RERE: variants seen among roughly 807,000 people sequenced by gnomAD.
RERE encodes arginine-glutamic acid dipeptide repeats.
A neutral mutation model predicts 146.1 loss-of-function variants in RERE; 40 were observed. That is an observed-to-expected ratio of 0.27 (90% CI 0.21 to 0.36). The LOEUF (loss-of-function observed/expected upper bound fraction) is 0.36. Ranked by LOEUF, RERE falls within the 10% of genes least tolerant of loss-of-function variation. RERE has a pLI of 1.00. For missense variants in RERE, 1,933 were observed against 2,138.7 expected, an observed-to-expected ratio of 0.90 and a Z score of 1.90; for synonymous variants, 1,003 against 866.0, an observed-to-expected ratio of 1.16 and a Z score of -2.78.
chr1:8,681,322 C>T (rs931743674), intron 1 of RERE, among the ~76,000 whole-genome samples: 21 of 151,970 alleles, frequency 1.4e-4, no homozygotes, highest in African/African-American at 4.6e-4. Context: ...GTATAATAAC[C>T]GGGGAGTCTT....
rs564907981 is a variant in RERE, at chr1:8,769,365, C to A, written c.-145+47795G>T. On this transcript the variant is annotated intron_variant, in intron 1 of 22. Transcript: ENST00000400908. ...AATCACTGACCCAATAAATGACTGT[C>A]CAAGTACAAAGTGATAGGCAGATGC... 5.3e-4 allele frequency among the ~76,000 whole-genome samples: 81 copies of A among 152,288 alleles called. 1 individual carries two copies. Among genetic ancestry groups the A allele is most frequent in the South Asian group, 8.3e-4 (4 of 4,828 alleles).
intron 10 of RERE, among the ~76,000 whole-genome samples, chr1:8,472,620 G>C (rs1328271358): frequency 6.6e-6 from 1 of 152,176 alleles, no homozygotes; most frequent in African/African-American, 2.4e-5. Flanking sequence ...GGGATTAAAT[G>C]CAATTTTAAT....
chr1:8,573,626 C>A (rs1309511077), intron 4 of RERE, among the ~76,000 whole-genome samples: 3 of 152,186 alleles, frequency 2.0e-5, no homozygotes, highest in African/African-American at 4.8e-5. Context: ...TGTTTTCACA[C>A]ATAAAACTTT....
chr1:8,786,509 T>G (rs1009090403), intron 1 of RERE: 1 of 826,050 alleles, frequency 1.2e-6, no homozygotes, highest in African/African-American at 1.7e-5. Context: ...AGATTTGGGT[T>G]CCCCCATGTA....
intron 4 of RERE, among the ~76,000 whole-genome samples, chr1:8,612,599 A>G (rs1012662847): frequency 6.6e-6 from 1 of 152,238 alleles, no homozygotes; most frequent in African/African-American, 2.4e-5. Flanking sequence ...AGTTTACAAA[A>G]AAATTAATGT....
intron 7 of RERE, among the ~76,000 whole-genome samples, chr1:8,539,046 G>GT (rs1645763645): frequency 6.6e-6 from 1 of 152,076 alleles, no homozygotes; most frequent in Admixed American, 6.5e-5. Context: ...AAATAATTTT[G>GT]GTTAGTTGTT....
intron 4 of RERE, among the ~76,000 whole-genome samples, chr1:8,587,877 C>T (rs1257993067): frequency 6.6e-6 from 1 of 152,186 alleles, no homozygotes; most frequent in Non-Finnish European, 1.5e-5. Flanking sequence ...CTAAGTCCTT[C>T]CCTCAGAAAC....
At chr1:8,543,168 T>C (rs767304539) in intron 6 of RERE, among the ~76,000 whole-genome samples, 10 of 152,130 alleles carry the variant, frequency 6.6e-5, no homozygotes, top group Non-Finnish European at 1.3e-4. Context: ...CAAGGAAAAA[T>C]ACAGACTAAG....
intron 6 of RERE, among the ~76,000 whole-genome samples, chr1:8,542,591 G>A (rs577411771): frequency 1.3e-5 from 2 of 152,284 alleles, no homozygotes; most frequent in African/African-American, 4.8e-5. Flanking sequence ...GGGAGGCTAC[G>A]ACAGGAGGAT....
At chr1:8,440,678 G>A (rs1310396135) in intron 11 of RERE, among the ~76,000 whole-genome samples, 4 of 147,424 alleles carry the variant, frequency 2.7e-5, no homozygotes, top group South Asian at 4.3e-4. Flanking sequence ...ACCTAACGTC[G>A]AGTTTGAGAC....
chr1:8,793,705 T>C (rs1280706282), intron 1 of RERE, among the ~76,000 whole-genome samples: 1 of 152,210 alleles, frequency 6.6e-6, no homozygotes, highest in Non-Finnish European at 1.5e-5. Flanking sequence ...AAAGGACCCA[T>C]ATTAACTGTT....
intron 10 of RERE, among the ~76,000 whole-genome samples, chr1:8,485,150 T>C (rs948489326): frequency 2.6e-5 from 4 of 152,112 alleles, no homozygotes; most frequent in African/African-American, 9.7e-5. Flanking sequence ...TCACCTGATG[T>C]AGGGAGTTCA....
intron 1 of RERE, among the ~76,000 whole-genome samples, chr1:8,740,335 CA>C (rs1013339280): frequency 6.6e-6 from 1 of 152,208 alleles, no homozygotes; most frequent in African/African-American, 2.4e-5. Flanking sequence ...GCACTTACCC[CA>C]TGAATGGAGC....
At chr1:8,666,656 C>G (rs950400343) in intron 1 of RERE, among the ~76,000 whole-genome samples, 9 of 152,210 alleles carry the variant, frequency 5.9e-5, no homozygotes, top group African/African-American at 2.2e-4. Context: ...AAACAGTAAC[C>G]TGATGTAGAG....
At chr1:8,772,861 G>A (rs1640980092) in intron 1 of RERE, among the ~76,000 whole-genome samples, 1 of 152,142 alleles carries the variant, frequency 6.6e-6, no homozygotes, top group African/African-American at 2.4e-5. Flanking sequence ...GGCTGAGGCA[G>A]GTGGATCACT....
intron 11 of RERE, among the ~76,000 whole-genome samples, chr1:8,441,011 G>A (rs1380329792): frequency 8.0e-6 from 1 of 125,106 alleles, no homozygotes; most frequent in Non-Finnish European, 1.6e-5. Context: ...GTTTTTCGGG[G>A]GGGTGGGGGG....
intron 1 of RERE, among the ~76,000 whole-genome samples, chr1:8,811,571 G>A (rs1309998971): frequency 6.6e-6 from 1 of 152,200 alleles, no homozygotes; most frequent in Non-Finnish European, 1.5e-5. Context: ...TCATGCCACT[G>A]CACTCCAGCC....
At chr1:8,424,961 A>AGGCAAGGATCC (rs1486399681) in intron 11 of RERE, 1 of 152,396 alleles carries the variant, frequency 6.6e-6, no homozygotes, top group Non-Finnish European at 1.5e-5. Context: ...CGAAAGAGGC[A>AGGCAAGGATCC]GGCAAGGATC....
intron 2 of RERE, among the ~76,000 whole-genome samples, chr1:8,635,643 G>A (rs1286728003): frequency 6.6e-6 from 1 of 152,108 alleles, no homozygotes; most frequent in Non-Finnish European, 1.5e-5. Flanking sequence ...CAAAATGTAT[G>A]AGAACTTTGG....
Sources: allele counts gnomAD v4.1 joint callset (sites outside exome capture counted in the v4.1 genomes callset), GRCh38; gene constraint gnomAD v4.1.1; transcripts MANE v1.5; gene names NCBI Gene and HGNC (gene_info 2026-07-23, HGNC 2026-07-21).